NFIA: variants seen among roughly 807,000 people sequenced by gnomAD.
NFIA encodes nuclear factor 1 A-type.
NFIA carries 8 observed loss-of-function variants against 62.8 expected under a neutral mutation model. That is an observed-to-expected ratio of 0.13 (90% confidence interval 0.07 to 0.23). NFIA has a LOEUF of 0.23. Among genes scored for constraint, NFIA ranks in the 10% least tolerant of loss-of-function variants. The pLI, the probability that NFIA is intolerant of heterozygous loss-of-function variation, is 1.00. For missense variants in NFIA, 410 were observed against 642.1 expected (o/e 0.64, Z 3.91); for synonymous variants, 235 against 238.1 (o/e 0.99, Z 0.12).
intron 2 of NFIA, among the ~76,000 whole-genome samples, chr1:61,243,934 C>G (rs1378758460): frequency 6.6e-6 from 1 of 152,060 alleles, no homozygotes; most frequent in East Asian, 1.9e-4. Context: ...GAAATTTTTT[C>G]TATTAGTCCT....
chr1:61,446,241 A>G (rs558598278), intron 10 of NFIA, among the ~76,000 whole-genome samples: 7 of 152,326 alleles, frequency 4.6e-5, no homozygotes, highest in African/African-American at 1.2e-4. Context: ...CTGAAAACGC[A>G]GATGCCACAG....
At chr1:61,390,091 CAG>C (rs1415582588) in intron 7 of NFIA, among the ~76,000 whole-genome samples, 2 of 152,122 alleles carry the variant, frequency 1.3e-5, no homozygotes, top group Non-Finnish European at 2.9e-5. Flanking sequence ...GCTAGAAGCA[CAG>C]GGTGCGGTAG....
chr1:61,089,013 A>C (rs1366775041), intron 2 of NFIA, among the ~76,000 whole-genome samples: 1 of 152,222 alleles, frequency 6.6e-6, no homozygotes, highest in African/African-American at 2.4e-5. Context: ...TTTAACTGAC[A>C]AATGATCTAG....
chr1:61,082,230 A>AGAGCGAGCAAGC (rs1467462354), upstream of NFIA: 1 of 511,290 alleles, frequency 2.0e-6, no homozygotes, highest in Non-Finnish European at 3.3e-6. Context: ...AGCGAGCGGG[A>AGAGCGAGCAAGC]GAGCGAGCAA....
At chr1:61,206,972 G>A (rs922750712) in intron 2 of NFIA, among the ~76,000 whole-genome samples, 5 of 152,124 alleles carry the variant, frequency 3.3e-5, no homozygotes, top group African/African-American at 4.8e-5. Flanking sequence ...TATATCTTTC[G>A]ATGTATGTCT....
chr1:61,181,773 A>G (rs999118005), intron 2 of NFIA, among the ~76,000 whole-genome samples: 2 of 152,242 alleles, frequency 1.3e-5, no homozygotes, highest in Non-Finnish European at 2.9e-5. Flanking sequence ...AATTCCTGTG[A>G]TAGTAAATAG....
chr1:61,299,696 C>T (rs1295366347), intron 3 of NFIA, among the ~76,000 whole-genome samples: 6 of 152,104 alleles, frequency 3.9e-5, no homozygotes, highest in South Asian at 2.1e-4. Flanking sequence ...TAGGTACACA[C>T]GCTGTACTTA....
chr1:61,201,472 A>T (rs539917154), intron 2 of NFIA, among the ~76,000 whole-genome samples: 42 of 152,156 alleles, frequency 2.8e-4, no homozygotes, highest in South Asian at 2.5e-3. Flanking sequence ...GGCAAACTTT[A>T]AAAAGTGTCT....
chr1:61,176,794 A>T (rs189885595), intron 2 of NFIA, among the ~76,000 whole-genome samples: 39 of 152,208 alleles, frequency 2.6e-4, no homozygotes, highest in African/African-American at 8.2e-4. Context: ...ACTGATTTTT[A>T]AAAAATTCAT....
At chr1:61,110,459 G>A (rs533472877) in intron 2 of NFIA, among the ~76,000 whole-genome samples, 15 of 151,176 alleles carry the variant, frequency 9.9e-5, no homozygotes, top group African/African-American at 3.4e-4. Flanking sequence ...GCAAGCATAC[G>A]AACAAATATA....
intron 7 of NFIA, among the ~76,000 whole-genome samples, chr1:61,398,012 ACAGAGCACAG>A (rs748512052): frequency 3.3e-5 from 5 of 152,244 alleles, no homozygotes; most frequent in Non-Finnish European, 5.9e-5. Context: ...GGTCTGACTC[ACAGAGCACAG>A]CAGGTGCTTG....
intron 10 of NFIA, among the ~76,000 whole-genome samples, chr1:61,449,021 G>A (rs1667946614): frequency 6.6e-6 from 1 of 152,206 alleles, no homozygotes; most frequent in Non-Finnish European, 1.5e-5. Context: ...TCTTGGCTGG[G>A]AGCAGCACAG....
At chr1:61,423,795 C>T (rs1294982441) in intron 9 of NFIA, among the ~76,000 whole-genome samples, 1 of 152,060 alleles carries the variant, frequency 6.6e-6, no homozygotes, top group African/African-American at 2.4e-5. Context: ...GGGACTATAT[C>T]CTGTTATAGG....
chr1:61,333,318 TA>T (rs1661409756), intron 4 of NFIA, among the ~76,000 whole-genome samples: 1 of 152,164 alleles, frequency 6.6e-6, no homozygotes. Context: ...TGAGCTGGAG[TA>T]AAAAGAAACA....
chr1:61,158,344 G>A (rs1018889976), intron 2 of NFIA, among the ~76,000 whole-genome samples: 22 of 152,142 alleles, frequency 1.4e-4, no homozygotes, highest in Admixed American at 3.9e-4. Context: ...ATAAATGGTT[G>A]TTTCTATGTC....
At chr1:61,101,599 G>C (rs1165992579) in intron 2 of NFIA, among the ~76,000 whole-genome samples, 1 of 152,158 alleles carries the variant, frequency 6.6e-6, no homozygotes, top group African/African-American at 2.4e-5. Flanking sequence ...TTGGAGAGCA[G>C]GCGGTAGTGA....
intron 2 of NFIA, among the ~76,000 whole-genome samples, chr1:61,200,020 A>G (rs111866037): frequency 0.14 from 2,090 of 15,304 alleles, 73 homozygotes; most frequent in East Asian, 0.35. Flanking sequence ...GTATATATAT[A>G]TATATATATA....
intron 2 of NFIA, among the ~76,000 whole-genome samples, chr1:61,183,103 A>G (rs2100563443): frequency 6.6e-6 from 1 of 152,292 alleles, no homozygotes; most frequent in Non-Finnish European, 1.5e-5. Flanking sequence ...GGCACAGTGT[A>G]TATTTTGGTT....
intron 3 of NFIA, among the ~76,000 whole-genome samples, chr1:61,295,243 T>C (rs1172603026): frequency 6.6e-6 from 1 of 152,122 alleles, no homozygotes; most frequent in Non-Finnish European, 1.5e-5. Context: ...AAATACTCAT[T>C]CCATGGCAAA....
Sources: gnomAD v4.1 joint callset for allele counts (sites outside exome capture counted in the v4.1 genomes callset) on GRCh38, gnomAD v4.1.1 for gene constraint, MANE v1.5 for transcripts, NCBI Gene and HGNC (gene_info 2026-07-23, HGNC 2026-07-21) for gene names.